Variants in ABCE1 observed in about 807,000 individuals in gnomAD.
ABCE1 encodes the protein ATP-binding cassette sub-family E member 1.
A neutral mutation model predicts 83.4 loss-of-function variants in ABCE1; 22 were observed. The ratio of observed to expected loss-of-function variants is 0.26; its 90% CI spans 0.19 to 0.38. The LOEUF (loss-of-function observed/expected upper bound fraction) is 0.38. Among genes scored for constraint, ABCE1 ranks in the 10% least tolerant of loss-of-function variants. ABCE1 has a pLI of 1.00. For missense variants in ABCE1, 330 were observed against 721.9 expected, an observed-to-expected ratio of 0.46 and a Z score of 6.22; for synonymous variants, 204 against 233.7, an observed-to-expected ratio of 0.87 and a Z score of 1.16.
rs574157015 is a variant in ABCE1 at position 145,099,491 on chromosome 4, G to C, written c.-28+1072G>C. On this transcript the variant is annotated intron_variant, in intron 1 of 17. Coordinates refer to ENST00000296577, the MANE Select transcript of ABCE1 (RefSeq NM_002940.3). Reference sequence around the variant, plus strand: ...TGTATTTGAACCAAAAGCTGTTTGGGGTTTGTGAGCTTTTTGAGAACTTAG... The same window carrying C: ...TGTATTTGAACCAAAAGCTGTTTGGCGTTTGTGAGCTTTTTGAGAACTTAG... Among the ~76,000 whole-genome samples the C allele has an allele frequency of 2.6e-5, 4 of 152,214 alleles. No homozygotes were observed. In the East Asian group the frequency reaches 7.7e-4, roughly 29 times the overall value.
intron 8 of ABCE1, 142 bp downstream of exon 8, chr4:145,111,206 A>G (rs536599386): frequency 1.9e-6 from 1 of 531,912 alleles, no homozygotes; most frequent in African/African-American, 1.9e-5. Flanking sequence ...ATGTTGAAGC[A>G]GTTGTGTATC....
intron 8 of ABCE1, 70 bp from the exon 9 acceptor site, chr4:145,112,169 A>T: frequency 1.8e-6 from 2 of 1,140,714 alleles, no homozygotes; most frequent in Non-Finnish European, 2.5e-6. Flanking sequence ...ACAGTGCTTT[A>T]AAATAGTATG....
In ABCE1 at chr4:145,108,117, A is replaced by G. The variant is rs1386019248; in HGVS notation, c.287+5A>G. 2.5e-6 allele frequency: 4 copies of G among 1,609,012 alleles called. No homozygotes were observed. The highest frequency in any genetic ancestry group is 1.3e-5 in the African/African-American group (1 of 74,766). ...CAATGCCTTCAAACTTCACAGGTAT[A>G]TTTTCACATCAGGATTCCTCTTCTG... On this transcript the variant is annotated splice_donor_5th_base_variant and intron_variant, in intron 4 of 17. Coordinates refer to ENST00000296577, the MANE Select transcript of ABCE1 (RefSeq NM_002940.3).
chr4:145,121,078 A>C lies in ABCE1; in HGVS notation c.1145-96A>C, dbSNP rs183955398. On this transcript the variant is annotated intron_variant, in intron 11 of 17. Coordinates refer to ENST00000296577, the MANE Select transcript of ABCE1 (RefSeq NM_002940.3). ...TTCAATAATGTCAGTGTATATCTTTAAAACAAATTTCTCAGTTAAAACCAA... is the reference window on the plus strand; with the variant it reads ...TTCAATAATGTCAGTGTATATCTTTCAAACAAATTTCTCAGTTAAAACCAA... 13 of 1,221,158 alleles carry C rather than the reference A, an allele frequency of 1.1e-5. No individual in the cohort carries two copies. In the East Asian group the frequency reaches 3.0e-4, roughly 29 times the overall value. 75.6% of individuals were successfully genotyped at this position (1,221,158 alleles called of 1,614,324 possible).
intron 3 of ABCE1, 126 bp from the exon 4 acceptor site, chr4:145,107,886 AAAC>A (rs1749351307): frequency 2.8e-6 from 2 of 719,710 alleles, no homozygotes; most frequent in South Asian, 4.2e-5. Flanking sequence ...GAAGGAAATG[AAAC>A]AACATTTCAC....
intron 1 of ABCE1, among the ~76,000 whole-genome samples, chr4:145,102,955 A>T (rs567239047): frequency 6.6e-6 from 1 of 152,268 alleles, no homozygotes; most frequent in South Asian, 2.1e-4. Context: ...AAATGAGAGG[A>T]CAGGAGGGTC....
rs1462593842 is a variant in ABCE1 at position 145,124,854 on chromosome 4, G to T, written c.1641-136G>T. On this transcript the variant is annotated intron_variant, in intron 16 of 17. Transcript: ENST00000296577. Reference sequence around the variant, plus strand: ...CTGAACACAGGATTTGTAATATGCTGTTATTATACTGTTATCCAGATGATT... The same window carrying T: ...CTGAACACAGGATTTGTAATATGCTTTTATTATACTGTTATCCAGATGATT... 5 of 608,992 alleles carry T rather than the reference G, an allele frequency of 8.2e-6. No individual in the cohort carries two copies. In the African/African-American group the frequency reaches 9.3e-5, roughly 11 times the overall value. 37.7% of individuals were successfully genotyped at this position (608,992 alleles called of 1,614,324 possible). A position where few individuals can be genotyped will look rare whatever the true frequency, so the allele number is the denominator to read the frequency against.
chr4:145,121,093 G>C (rs886331767), intron 11 of ABCE1, 81 bp from the exon 12 acceptor site: 2 of 1,440,788 alleles, frequency 1.4e-6, no homozygotes, highest in Admixed American at 3.6e-5. Flanking sequence ...AAATTTCTCA[G>C]TTAAAACCAA....
At chr4:145,110,908 A>G (rs561229711) in intron 7 of ABCE1, 60 bp from the exon 8 acceptor site, 187 of 1,120,744 alleles carry the variant, frequency 1.7e-4, no homozygotes, top group Middle Eastern at 3.0e-4. Flanking sequence ...GACATGCAGT[A>G]TACTTTTTAC....
chr4:145,121,238 A>T lies in ABCE1; in HGVS notation c.1204+5A>T. On this transcript the variant is annotated splice_donor_5th_base_variant and intron_variant, in intron 12 of 17. Transcript: ENST00000296577. ...GACTTAAACCTGATGAAGGAGGTAC[A>T]TTTGTAACTGTTGAGTCTTTTTACT... 1 of 1,613,838 alleles carries T rather than the reference A, an allele frequency of 6.2e-7. No homozygotes were observed. Among genetic ancestry groups the T allele is most frequent in the Non-Finnish European group, 8.5e-7 (1 of 1,179,872 alleles).
At chr4:145,110,837 C>G in intron 7 of ABCE1, 131 bp from the exon 8 acceptor site, 1 of 608,188 alleles carries the variant, frequency 1.6e-6, no homozygotes, top group Non-Finnish European at 2.9e-6. Flanking sequence ...TACTGAAAAT[C>G]TCCAGTAATT....
chr4:145,099,945 T>A (rs1216431924), intron 1 of ABCE1, among the ~76,000 whole-genome samples: 1 of 152,210 alleles, frequency 6.6e-6, no homozygotes, highest in Non-Finnish European at 1.5e-5. Context: ...TCCTTCTTTG[T>A]TTGCAGGAGC....
Position 145,123,551 on chromosome 4 carries a change from C to T in ABCE1, c.1591C>T (p.Arg531Cys), listed in dbSNP as rs1449788340. Reference sequence around the variant, plus strand: ...CATCATGGCCACCTATCTAGCGGATCGCGTCATCGTTTTTGATGGTGTTCC... The same window carrying T: ...CATCATGGCCACCTATCTAGCGGATTGCGTCATCGTTTTTGATGGTGTTCC... ...DFIMATYLAD[R>C]VIVFDGVPSK... The change falls in exon 16 of 18, where the codon CGC becomes TGC. Residue 531 changes from arginine to cysteine, a missense_variant. By Grantham distance (180) the Arg-to-Cys change is radical. Transcript: ENST00000296577. 2.5e-6 allele frequency: 4 copies of T among 1,606,520 alleles called. No homozygotes were observed. The highest frequency in any genetic ancestry group is 2.2e-5 in the East Asian group (1 of 44,624).
At chr4:145,107,129 T>C (rs954300856) in intron 3 of ABCE1, among the ~76,000 whole-genome samples, 2 of 152,158 alleles carry the variant, frequency 1.3e-5, no homozygotes, top group Non-Finnish European at 2.9e-5. Context: ...AGTCATCTTA[T>C]AGTTGAATGT....
chr4:145,108,261 G>A (rs1180870178), intron 4 of ABCE1, 149 bp downstream of exon 4: 2 of 725,678 alleles, frequency 2.8e-6, no homozygotes. Context: ...GAATCATACT[G>A]CATATGTCTG....
intron 4 of ABCE1, among the ~76,000 whole-genome samples, 189 bp downstream of exon 4, chr4:145,108,301 C>T (rs902878785): frequency 2.0e-5 from 3 of 152,104 alleles, no homozygotes; most frequent in African/African-American, 7.2e-5. Context: ...TTACAGTTAC[C>T]TATGGGACTT....
rs1316997859 is a variant in ABCE1, at chr4:145,123,041, A to T, written c.1284A>T (p.Leu428=). Residue 428 remains leucine, a synonymous_variant, in exon 14 of 18, where the codon CTA becomes CTT. Coordinates refer to ENST00000296577, the MANE Select transcript of ABCE1 (RefSeq NM_002940.3). ...AACAGGGAAGTGTTCGCCAGTTACTACATGAAAAGATAAGAGATGCTTATA... is the reference window on the plus strand; with the variant it reads ...AACAGGGAAGTGTTCGCCAGTTACTTCATGAAAAGATAAGAGATGCTTATA... ...PKSTGSVRQL[L]HEKIRDAYTH... The T allele has an allele frequency of 6.3e-7, 1 of 1,590,348 alleles. No individual in the cohort carries two copies. Among genetic ancestry groups the T allele is most frequent in the Non-Finnish European group, 8.5e-7 (1 of 1,171,502 alleles).
At chr4:145,119,593 A>G (rs1398975911) in intron 10 of ABCE1, among the ~76,000 whole-genome samples, 8 of 151,934 alleles carry the variant, frequency 5.3e-5, no homozygotes, top group Admixed American at 3.3e-4. Context: ...TATTACATCA[A>G]TCTGAAAATA....
At chr4:145,119,706 A>G (rs35329282) in intron 10 of ABCE1, among the ~76,000 whole-genome samples, 317 of 152,150 alleles carry the variant, frequency 2.1e-3, no homozygotes, top group African/African-American at 7.1e-3. Flanking sequence ...CAGGATAATG[A>G]GAAGATGTAC....
Sources: gnomAD v4.1 joint callset for allele counts (sites outside exome capture counted in the v4.1 genomes callset) on GRCh38, gnomAD v4.1.1 for gene constraint, MANE v1.5 for transcripts, NCBI Gene and HGNC (gene_info 2026-07-23, HGNC 2026-07-21) for gene names.